SLC35B2: variants seen among roughly 807,000 people sequenced by gnomAD.
SLC35B2 encodes the protein adenosine 3'-phospho 5'-phosphosulfate transporter 1.
Under a neutral mutation model 37.9 loss-of-function variants are expected in SLC35B2, and 19 were observed. The ratio of observed to expected loss-of-function variants is 0.50; its 90% CI spans 0.35 to 0.74. The LOEUF (loss-of-function observed/expected upper bound fraction) is 0.74. SLC35B2 is among the 30% of genes least tolerant of loss of function. SLC35B2 has a pLI of 0.01. For missense variants in SLC35B2, 633 were observed against 547.6 expected, an observed-to-expected ratio of 1.16 and a Z score of -1.56; for synonymous variants, 277 against 225.2, an observed-to-expected ratio of 1.23 and a Z score of -2.06.
intron 1 of SLC35B2, 164 bp downstream of exon 1, chr6:44,257,236 G>C: frequency 1.3e-6 from 1 of 771,720 alleles, no homozygotes; most frequent in Non-Finnish European, 1.8e-6. Flanking sequence ...GCTCCCCAAG[G>C]AGCACAAAAC....
chr6:44,254,212 G>A lies in SLC35B2; in HGVS notation c.*494C>T. On this transcript the variant is annotated 3_prime_UTR_variant, in exon 4 of 4. Coordinates refer to ENST00000393812, the MANE Select transcript of SLC35B2 (RefSeq NM_178148.4). ...TGGAACAGAGCCTAGGGATCCAGGA[G>A]CATAGGAGGTGGTGGTGCTGGGCAG... The A allele has an allele frequency of 4.9e-6, 1 of 204,632 alleles. No homozygotes were observed. Among genetic ancestry groups the A allele is most frequent in the Non-Finnish European group, 1.0e-5 (1 of 98,782 alleles). The allele number at this position is 204,632 out of a possible 1,614,324, so 12.7% of individuals were successfully genotyped here. A position where few individuals can be genotyped will look rare whatever the true frequency, so the allele number is the denominator to read the frequency against.
chr6:44,254,920 A>G lies in SLC35B2; in HGVS notation c.1085T>C (p.Phe362Ser). The change falls in exon 4 of 4, where the codon TTT becomes TCT. Residue 362 changes from phenylalanine (F) to serine (S), a missense_variant. Coordinates refer to ENST00000393812, the MANE Select transcript of SLC35B2 (RefSeq NM_178148.4). ...QLFIFYTIGQ[F>S]GAAVFTIIMT... The stretch of plus-strand genomic sequence containing the variant: ...GATGATGGTGAAGACGGCAGCCCCA[A>G]ACTGCCCAATGGTGTAAAAGATGAA... 6.2e-7 allele frequency: 1 copy of G among 1,614,190 alleles called. No individual in the cohort carries two copies. Among genetic ancestry groups the G allele is most frequent in the African/African-American group, 1.3e-5 (1 of 75,054 alleles).
intron 1 of SLC35B2, 103 bp from the exon 2 acceptor site, chr6:44,256,981 C>T (rs1781589299): frequency 8.0e-7 from 1 of 1,254,714 alleles, no homozygotes; most frequent in Non-Finnish European, 1.1e-6. Context: ...CTCCCCGCCC[C>T]CTCCGCTGCA....
chr6:44,255,463 G>T lies in SLC35B2; in HGVS notation c.542C>A (p.Ala181Glu). The change falls in exon 4 of 4, where the codon GCA (alanine) becomes GAA (glutamate). Residue 181 changes from alanine to glutamate, a missense_variant. Transcript: ENST00000393812. ...GGCAAAGGAGTACCGGTACATGGGTGCCCCATGCCGGGGCTGCTTGCAGAG... is the reference window on the plus strand; with the variant it reads ...GGCAAAGGAGTACCGGTACATGGGTTCCCCATGCCGGGGCTGCTTGCAGAG... ...CVLCKQPRHG[A>E]PMYRYSFASL... is the part of the protein sequence containing the mutation. 1 of 1,614,248 alleles carries T rather than the reference G, an allele frequency of 6.2e-7. No individual in the cohort carries two copies. The highest frequency in any genetic ancestry group is 8.5e-7 in the Non-Finnish European group (1 of 1,180,038).
At chr6:44,256,542 C>T in intron 2 of SLC35B2, 46 bp from the exon 3 acceptor site, 3 of 1,613,650 alleles carry the variant, frequency 1.9e-6, no homozygotes, top group Non-Finnish European at 2.5e-6. Flanking sequence ...CTCCATAGCA[C>T]TTCATCTTCC....
rs1452890022 is a variant in SLC35B2, at chr6:44,254,940, G to C, written c.1065C>G (p.Ile355Met). The part of the protein sequence containing the change: ...SICSACGQLF[I>M]FYTIGQFGAA... ...CCCCAAACTGCCCAATGGTGTAAAA[G>C]ATGAAGAGCTGGCCACATGCGGAGC... Residue 355 changes from isoleucine to methionine, a missense_variant, in exon 4 of 4, where the codon ATC (isoleucine) becomes ATG (methionine). Ile to Met is a conservative substitution (Grantham distance 10, BLOSUM62 1). Transcript: ENST00000393812. 3.7e-6 allele frequency: 6 copies of C among 1,614,066 alleles called. No individual in the cohort carries two copies. The highest frequency in any genetic ancestry group is 4.2e-6 in the Non-Finnish European group (5 of 1,180,032).
chr6:44,254,404 G>T lies in SLC35B2; in HGVS notation c.*302C>A. 3.2e-6 allele frequency: 1 copy of T among 311,576 alleles called. No homozygotes were observed. Among genetic ancestry groups the T allele is most frequent in the East Asian group, 5.6e-5 (1 of 17,820 alleles). The allele number at this position is 311,576 out of a possible 1,614,324, so 19.3% of individuals were successfully genotyped here. ...GAGCACAGCTAGGGCAAGACTTAAGGGAACTTGTGGGAAGAGTAACTGGAA... is the reference window on the plus strand; with the variant it reads ...GAGCACAGCTAGGGCAAGACTTAAGTGAACTTGTGGGAAGAGTAACTGGAA... On this transcript the variant is annotated 3_prime_UTR_variant, in exon 4 of 4. Coordinates refer to ENST00000393812, the MANE Select transcript of SLC35B2 (RefSeq NM_178148.4).
chr6:44,256,461 C>T lies in SLC35B2; in HGVS notation c.241G>A (p.Val81Met), dbSNP rs752687684. 1.9e-6 allele frequency: 3 copies of T among 1,614,222 alleles called. No homozygotes were observed. Among genetic ancestry groups the T allele is most frequent in the Non-Finnish European group, 2.5e-6 (3 of 1,180,042 alleles). The change falls in exon 3 of 4, where the codon GTG (valine) becomes ATG (methionine). Residue 81 changes from valine to methionine, a missense_variant. Val to Met is a conservative substitution (Grantham distance 21, BLOSUM62 1). Transcript: ENST00000393812. ...GLCFPLVKAC[V>M]FGNEPKASDE... ...GAGGCCTTGGGCTCATTGCCAAACA[C>T]ACAAGCTTTCACCAGGGGAAAGCAG...
chr6:44,254,694 C>T lies in SLC35B2; in HGVS notation c.*12G>A, dbSNP rs781554904. ...GTCCTATTTCACTTCACCCCTCAGG[C>T]CCTTTCCACCCTCAAACCTTCTGCA... On this transcript the variant is annotated 3_prime_UTR_variant, in exon 4 of 4. Coordinates refer to ENST00000393812, the MANE Select transcript of SLC35B2 (RefSeq NM_178148.4). 1 of 1,598,462 alleles carries T rather than the reference C, an allele frequency of 6.3e-7. No homozygotes were observed. Among genetic ancestry groups the T allele is most frequent in the South Asian group, 1.1e-5 (1 of 89,360 alleles).
chr6:44,255,269 T>G lies in SLC35B2; in HGVS notation c.736A>C (p.Ile246Leu). 6.2e-7 allele frequency: 1 copy of G among 1,614,108 alleles called. No individual in the cohort carries two copies. Among genetic ancestry groups the G allele is most frequent in the Non-Finnish European group, 8.5e-7 (1 of 1,180,006 alleles). ...AGAAACATGCTGACCCCAATGGAGATGAGGGTGGCTGTCAGGTACTCCCAG... is the reference window on the plus strand; with the variant it reads ...AGAAACATGCTGACCCCAATGGAGAGGAGGGTGGCTGTCAGGTACTCCCAG... ...EHWEYLTATL[I>L]SIGVSMFLLS... Residue 246 changes from isoleucine to leucine, a missense_variant, in exon 4 of 4, where the codon ATC becomes CTC. Ile to Leu is a conservative substitution (Grantham distance 5). Transcript: ENST00000393812.
chr6:44,255,313 GAC>G lies in SLC35B2; in HGVS notation c.690_691del (p.Arg232AlafsTer50), dbSNP rs774429789. ...CTCCCAGTGTTCGTAGCTGCGCCGA[GAC>G]ACAAGCTTTCCCATCAGCATGACAG... is the stretch of plus-strand genomic sequence containing the variant. On this transcript the variant is annotated frameshift_variant, in exon 4 of 4. Transcript: ENST00000393812. LOFTEE classifies it high-confidence loss of function. The G allele has an allele frequency of 6.2e-7, 1 of 1,614,238 alleles. No individual in the cohort carries two copies. Among genetic ancestry groups the G allele is most frequent in the South Asian group, 1.1e-5 (1 of 91,088 alleles).
chr6:44,255,167 C>T lies in SLC35B2; in HGVS notation c.838G>A (p.Ala280Thr). ...SGLILLAGYI[A>T]FDSFTSNWQD... Reference sequence around the variant, plus strand: ...CAGTTTGAGGTGAAGCTGTCAAAAGCAATATAACCTGCCAGTAAGATGAGG... The same window carrying T: ...CAGTTTGAGGTGAAGCTGTCAAAAGTAATATAACCTGCCAGTAAGATGAGG... The change falls in exon 4 of 4, where the codon GCT becomes ACT. Residue 280 changes from alanine to threonine, a missense_variant. By Grantham distance (58) the Ala-to-Thr change is moderately conservative. Coordinates refer to ENST00000393812, the MANE Select transcript of SLC35B2 (RefSeq NM_178148.4). 6.2e-7 allele frequency: 1 copy of T among 1,614,212 alleles called. No individual in the cohort carries two copies. The highest frequency in any genetic ancestry group is 8.5e-7 in the Non-Finnish European group (1 of 1,180,034).
upstream of SLC35B2, chr6:44,257,532 G>T: frequency 1.0e-6 from 1 of 982,172 alleles, no homozygotes; most frequent in Non-Finnish European, 1.3e-6. Flanking sequence ...CGGAAGTGCC[G>T]CGCTCTTCCC....
At chr6:44,256,015 G>A (rs943829805) in intron 3 of SLC35B2, among the ~76,000 whole-genome samples, 2 of 152,188 alleles carry the variant, frequency 1.3e-5, no homozygotes, top group South Asian at 2.1e-4. Context: ...TGGGTTTACA[G>A]TATGTGAGAC....
At position 44,254,630 on chromosome 6, in the gene SLC35B2, G is replaced by C; in HGVS notation, c.*76C>G. The C allele has an allele frequency of 6.7e-7, 1 of 1,482,086 alleles. No individual in the cohort carries two copies. Among genetic ancestry groups the C allele is most frequent in the South Asian group, 1.3e-5 (1 of 75,866 alleles). The allele number at this position is 1,482,086 out of a possible 1,614,324, so 91.8% of individuals were successfully genotyped here. A position where few individuals can be genotyped will look rare whatever the true frequency, so the allele number is the denominator to read the frequency against. Reference sequence around the variant, plus strand: ...CACCTGCATTTTGCCCTTTCAGCCAGCTCCCTCAGAGGTTACAGCAGAAGG... The same window carrying C: ...CACCTGCATTTTGCCCTTTCAGCCACCTCCCTCAGAGGTTACAGCAGAAGG... On this transcript the variant is annotated 3_prime_UTR_variant, in exon 4 of 4. Coordinates refer to ENST00000393812, the MANE Select transcript of SLC35B2 (RefSeq NM_178148.4).
rs1046008279 is a variant in SLC35B2, at chr6:44,257,449, G to A, written c.-39C>T. ...TGGGGTGGAGGGGGAACCGGGGAATGCGAGTCCCCGGGCCGCGCGCCCCCT... is the reference window on the plus strand; with the variant it reads ...TGGGGTGGAGGGGGAACCGGGGAATACGAGTCCCCGGGCCGCGCGCCCCCT... On this transcript the variant is annotated 5_prime_UTR_variant, in exon 1 of 4. Transcript: ENST00000393812. 1.6e-6 allele frequency: 2 copies of A among 1,247,622 alleles called. No individual in the cohort carries two copies. Among genetic ancestry groups the A allele is most frequent in the Non-Finnish European group, 2.0e-6 (2 of 988,910 alleles). The allele number at this position is 1,247,622 out of a possible 1,614,324, so 77.3% of individuals were successfully genotyped here. A position where few individuals can be genotyped will look rare whatever the true frequency, so the allele number is the denominator to read the frequency against.
intron 3 of SLC35B2, 88 bp from the exon 4 acceptor site, chr6:44,255,732 C>A: frequency 7.9e-7 from 1 of 1,272,560 alleles, no homozygotes; most frequent in Non-Finnish European, 1.1e-6. Context: ...CAGGATTATG[C>A]CTAAGTGATT....
rs776434992 is a variant in SLC35B2, at chr6:44,255,253, C to T, written c.752G>A (p.Ser251Asn). ...LTATLISIGV[S>N]MFLLSSGPEP... ...TGGTCCGCTGGATAGCAGAAACATG[C>T]TGACCCCAATGGAGATGAGGGTGGC... Residue 251 changes from serine (S) to asparagine (N), a missense_variant, in exon 4 of 4, where the codon AGC becomes AAC. Physicochemically the swap from Ser to Asn is conservative, Grantham distance 46 (BLOSUM62 1). Transcript: ENST00000393812. 1 of 1,614,220 alleles carries T rather than the reference C, an allele frequency of 6.2e-7. No individual in the cohort carries two copies. The highest frequency in any genetic ancestry group is 1.7e-5 in the Admixed American group (1 of 60,026).
chr6:44,257,571 C>T, upstream of SLC35B2: 4 of 580,032 alleles, frequency 6.9e-6, no homozygotes, highest in Non-Finnish European at 9.5e-6. Context: ...CCCTCCGCCC[C>T]TGCCGCGACC....
Sources: gnomAD v4.1 joint callset for allele counts (sites outside exome capture counted in the v4.1 genomes callset) on GRCh38, gnomAD v4.1.1 for gene constraint, MANE v1.5 for transcripts, NCBI Gene and HGNC (gene_info 2026-07-23, HGNC 2026-07-21) for gene names.